Variants in ABCA13 observed in about 807,000 individuals in gnomAD.
ABCA13 encodes ATP binding cassette subfamily A member 13, also known as ATP-binding cassette sub-family A member 13.
ABCA13 carries 476 observed loss-of-function variants against 478.7 expected under a neutral mutation model. The ratio of observed to expected loss-of-function variants is 0.99; its 90% CI spans 0.92 to 1.07. The LOEUF (loss-of-function observed/expected upper bound fraction) is 1.07. ABCA13 is among the 50% of genes least tolerant of loss of function. ABCA13 has a pLI of 0.00. For synonymous variants in ABCA13, 2,252 were observed against 2,158.9 expected (o/e 1.04, Z -1.20); for missense variants, 6,060 against 5,910.6 (o/e 1.03, Z -0.83).
intron 1 of ABCA13, among the ~76,000 whole-genome samples, chr7:48,174,959 G>A (rs1562700278): frequency 6.6e-6 from 1 of 152,158 alleles, no homozygotes; most frequent in Non-Finnish European, 1.5e-5. Flanking sequence ...ATGCATGAAG[G>A]ACACACCTTC....
At chr7:48,203,018 G>A (rs1799030418) in intron 3 of ABCA13, among the ~76,000 whole-genome samples, 1 of 152,230 alleles carries the variant, frequency 6.6e-6, no homozygotes, top group African/African-American at 2.4e-5. Flanking sequence ...GGTGGGGGAA[G>A]GCTCAGGCAT....
Position 48,577,198 on chromosome 7 carries a change from A to G in ABCA13, c.14355-3026A>G, listed in dbSNP as rs903306192. ...GAGGGAGAGGAGCAAATTAAATTGA[A>G]AGTAAGTAGAAGAAAAGAAATGATA... is the stretch of plus-strand genomic sequence containing the variant. On this transcript the variant is annotated intron_variant, in intron 55 of 61. Transcript: ENST00000435803. 3.9e-5 allele frequency among the ~76,000 whole-genome samples: 6 copies of G among 152,200 alleles called. No homozygotes were observed. In the South Asian group the frequency reaches 1.2e-3, roughly 32 times the overall value.
intron 55 of ABCA13, among the ~76,000 whole-genome samples, chr7:48,550,450 G>T (rs1785208088): frequency 6.6e-6 from 1 of 151,372 alleles, no homozygotes; most frequent in African/African-American, 2.4e-5. Context: ...TAGAGACGGG[G>T]TTTCATCATG....
At chr7:48,508,269 G>T (rs1831386134) in intron 50 of ABCA13, among the ~76,000 whole-genome samples, 1 of 152,106 alleles carries the variant, frequency 6.6e-6, no homozygotes, top group Non-Finnish European at 1.5e-5. Flanking sequence ...CTGGAGAACT[G>T]GGAAATTATA....
In ABCA13 at chr7:48,272,984, C is replaced by T. The variant is rs1225800649; in HGVS notation, c.3318C>T (p.His1106=). 6.2e-7 allele frequency: 1 copy of T among 1,613,526 alleles called. No individual in the cohort carries two copies. Among genetic ancestry groups the T allele is most frequent in the Admixed American group, 1.7e-5 (1 of 59,954 alleles). The change falls in exon 17 of 62, where the codon CAC becomes CAT. Residue 1106 remains histidine, a synonymous_variant. Coordinates refer to ENST00000435803, the MANE Select transcript of ABCA13 (RefSeq NM_152701.5). Reference sequence around the variant, plus strand: ...AATGCTTGATTTCGGACAATAAACACATTTCTTCCGTAAATTATTCAACAA... The same window carrying T: ...AATGCTTGATTTCGGACAATAAACATATTTCTTCCGTAAATTATTCAACAA... ...DNKCLISDNK[H]ISSVNYSTSE... is the part of the protein sequence containing the mutation.
intron 51 of ABCA13, among the ~76,000 whole-genome samples, chr7:48,513,864 G>A (rs1467354018): frequency 6.6e-6 from 1 of 152,062 alleles, no homozygotes; most frequent in Non-Finnish European, 1.5e-5. Context: ...AAAAGTGATG[G>A]AATCATAGCC....
intron 50 of ABCA13, among the ~76,000 whole-genome samples, chr7:48,509,136 G>A (rs1048458427): frequency 2.0e-5 from 3 of 152,088 alleles, no homozygotes; most frequent in African/African-American, 4.8e-5. Context: ...GTTTTACTAG[G>A]TACTCAAGGT....
intron 15 of ABCA13, among the ~76,000 whole-genome samples, chr7:48,261,033 G>A (rs965048079): frequency 2.6e-5 from 4 of 151,628 alleles, no homozygotes; most frequent in Non-Finnish European, 4.4e-5. Context: ...TGGTAATTTA[G>A]TTGGGCATAA....
chr7:48,179,410 G>T (rs908119629), intron 1 of ABCA13, among the ~76,000 whole-genome samples: 1 of 152,140 alleles, frequency 6.6e-6, no homozygotes, highest in African/African-American at 2.4e-5. Context: ...ATTCCTGTCG[G>T]GGATGTTTTC....
chr7:48,562,009 C>T (rs112312204), intron 55 of ABCA13, among the ~76,000 whole-genome samples: 8 of 151,968 alleles, frequency 5.3e-5, no homozygotes, highest in African/African-American at 1.9e-4. Context: ...GTCTCATAAG[C>T]AGCCCCCAGT....
Position 48,272,942 on chromosome 7 carries a change from A to G in ABCA13, c.3276A>G (p.Glu1092=). The change falls in exon 17 of 62, where the codon GAA becomes GAG. Residue 1092 remains glutamate (E), a synonymous_variant. Transcript: ENST00000435803. Reference sequence around the variant, plus strand: ...GCCAATTCTTCAACAGTTCAGTAGAAGACCTATTGGATAATAAATGCTTGA... The same window carrying G: ...GCCAATTCTTCAACAGTTCAGTAGAGGACCTATTGGATAATAAATGCTTGA... ...YMSQFFNSSV[E]DLLDNKCLIS... is the part of the protein sequence containing the mutation. 1 of 1,613,290 alleles carries G rather than the reference A, an allele frequency of 6.2e-7. No individual in the cohort carries two copies. Among genetic ancestry groups the G allele is most frequent in the Non-Finnish European group, 8.5e-7 (1 of 1,179,540 alleles).
intron 13 of ABCA13, 22 bp downstream of exon 13, chr7:48,246,052 C>T: frequency 4.4e-6 from 7 of 1,606,342 alleles, no homozygotes; most frequent in Non-Finnish European, 6.0e-6. Flanking sequence ...ACCATCTTAG[C>T]TCTTCTAAGG....
At position 48,234,039 on chromosome 7, in the gene ABCA13, T is replaced by C; in HGVS notation, c.785T>C (p.Met262Thr). 6.2e-7 allele frequency: 1 copy of C among 1,614,032 alleles called. No homozygotes were observed. The highest frequency in any genetic ancestry group is 1.1e-5 in the South Asian group (1 of 91,078). The change falls in exon 8 of 62, where the codon ATG becomes ACG. Residue 262 changes from methionine to threonine, a missense_variant. Physicochemically the swap from Met to Thr is moderately conservative, Grantham distance 81. Coordinates refer to ENST00000435803, the MANE Select transcript of ABCA13 (RefSeq NM_152701.5). ...AVTEPVYHLS[M>T]QNIVWDPQKV... ...ACAGAGCCAGTTTACCACCTGTCCA[T>C]GCAGAATATAGTGTGGGATCCACAG...
At chr7:48,392,235 C>T in intron 38 of ABCA13, 96 bp downstream of exon 38, 1 of 1,156,662 alleles carries the variant, frequency 8.6e-7, no homozygotes, top group Non-Finnish European at 1.2e-6. Flanking sequence ...TCATCTGTGT[C>T]TACATTTATA....
chr7:48,532,015 G>T (rs61649354), intron 55 of ABCA13, among the ~76,000 whole-genome samples: 21,067 of 151,836 alleles, frequency 0.14, 1,829 homozygotes, highest in African/African-American at 0.23. Context: ...GATTGCTCTG[G>T]CTAGGACTTC....
chr7:48,240,193 C>T (rs182442866), intron 9 of ABCA13, among the ~76,000 whole-genome samples: 3 of 152,306 alleles, frequency 2.0e-5, no homozygotes, highest in Admixed American at 6.5e-5. Flanking sequence ...TAGGTGTTGT[C>T]GTCTGCTTCG....
At chr7:48,535,147 A>T (rs1833484317) in intron 55 of ABCA13, among the ~76,000 whole-genome samples, 1 of 152,180 alleles carries the variant, frequency 6.6e-6, no homozygotes, top group African/African-American at 2.4e-5. Context: ...ACTATGTCAG[A>T]GGGAAGATCT....
rs376176148 is a variant in ABCA13 at position 48,346,083 on chromosome 7, T to A, written c.10205-4560T>A. The stretch of plus-strand genomic sequence containing the variant: ...CTATGCTATACAGCTAGGTGTGCAG[T>A]AGGCTGTACCATCTAGGATTGTGTA... On this transcript the variant is annotated intron_variant, in intron 29 of 61. Coordinates refer to ENST00000435803, the MANE Select transcript of ABCA13 (RefSeq NM_152701.5). Among the ~76,000 whole-genome samples, 43 of 152,348 alleles carry A rather than the reference T, an allele frequency of 2.8e-4. 1 individual carries two copies. In the South Asian group the frequency reaches 8.9e-3, roughly 32 times the overall value.
chr7:48,354,171 C>T (rs774548322), intron 31 of ABCA13, among the ~76,000 whole-genome samples: 3 of 151,998 alleles, frequency 2.0e-5, no homozygotes, highest in Non-Finnish European at 4.4e-5. Flanking sequence ...AAAGGCAAAC[C>T]TGAAATCTAT....
Sources: allele counts gnomAD v4.1 joint callset (sites outside exome capture counted in the v4.1 genomes callset), GRCh38; gene constraint gnomAD v4.1.1; transcripts MANE v1.5; gene names NCBI Gene and HGNC (gene_info 2026-07-23, HGNC 2026-07-21).